PLCB1: variants seen among roughly 807,000 people sequenced by gnomAD.
PLCB1 encodes phospholipase C beta 1.
Under a neutral mutation model 161.8 loss-of-function variants are expected in PLCB1, and 46 were observed. The ratio of observed to expected loss-of-function variants is 0.28; its 90% CI spans 0.22 to 0.36. PLCB1 has a LOEUF of 0.36. Ranked by LOEUF, PLCB1 falls within the 10% of genes least tolerant of loss-of-function variation. PLCB1 has a pLI of 1.00. For missense variants in PLCB1, 1,016 were observed against 1,472.5 expected (o/e 0.69, Z 5.07); for synonymous variants, 517 against 503.7 (o/e 1.03, Z -0.35).
chr20:8,150,727 A>T (rs1225827905), intron 2 of PLCB1, among the ~76,000 whole-genome samples: 1 of 152,170 alleles, frequency 6.6e-6, no homozygotes, highest in Non-Finnish European at 1.5e-5. Flanking sequence ...ATGAGAAAAT[A>T]ACTTTTGACC....
chr20:8,659,109 C>G (rs778188427), intron 9 of PLCB1, among the ~76,000 whole-genome samples: 8 of 151,824 alleles, frequency 5.3e-5, no homozygotes, highest in Non-Finnish European at 1.0e-4. Flanking sequence ...TCTGTGAGAC[C>G]CTTATCTTTT....
intron 2 of PLCB1, among the ~76,000 whole-genome samples, chr20:8,288,165 T>C (rs924426436): frequency 1.3e-5 from 2 of 152,222 alleles, no homozygotes; most frequent in African/African-American, 4.8e-5. Context: ...TGCCCTTCTC[T>C]ATCTTGCGTT....
intron 1 of PLCB1, among the ~76,000 whole-genome samples, chr20:8,139,185 C>T (rs751015152): frequency 2.8e-5 from 4 of 142,078 alleles, no homozygotes; most frequent in Non-Finnish European, 4.5e-5. Context: ...CAGCCGGGTT[C>T]AAGCTATTCT....
chr20:8,285,456 C>T (rs561918153), intron 2 of PLCB1, among the ~76,000 whole-genome samples: 3 of 152,078 alleles, frequency 2.0e-5, no homozygotes, highest in East Asian at 1.9e-4. Flanking sequence ...ATTTTCACAT[C>T]CAATTTTTAA....
intron 2 of PLCB1, among the ~76,000 whole-genome samples, chr20:8,167,104 A>G (rs1442589377): frequency 6.6e-6 from 1 of 152,174 alleles, no homozygotes; most frequent in Non-Finnish European, 1.5e-5. Flanking sequence ...ATTTCGAGAT[A>G]TGGATACTTC....
At chr20:8,473,347 A>G (rs1480074307) in intron 3 of PLCB1, among the ~76,000 whole-genome samples, 1 of 152,228 alleles carries the variant, frequency 6.6e-6, no homozygotes, top group Non-Finnish European at 1.5e-5. Flanking sequence ...GTCTTAGGCT[A>G]ATAATTAATA....
chr20:8,367,190 A>G (rs1171257631), intron 2 of PLCB1, among the ~76,000 whole-genome samples: 6 of 152,352 alleles, frequency 3.9e-5, no homozygotes, highest in South Asian at 2.1e-4. Flanking sequence ...AAAGTTCCCA[A>G]TATAAAGAAA....
chr20:8,629,990 CTT>C (rs371695498), intron 4 of PLCB1, among the ~76,000 whole-genome samples: 9 of 95,252 alleles, frequency 9.4e-5, no homozygotes, highest in Non-Finnish European at 1.1e-4. Context: ...TTCTTTCTTT[CTT>C]TCTTTCTTTC....
At chr20:8,774,757 G>A (rs747356256) in intron 27 of PLCB1, 38 bp downstream of exon 27, 19 of 1,538,262 alleles carry the variant, frequency 1.2e-5, no homozygotes, top group Non-Finnish European at 1.7e-5. Flanking sequence ...TGTGCAACTG[G>A]AACTCCCTTA....
At chr20:8,317,772 G>T (rs1246183271) in intron 2 of PLCB1, among the ~76,000 whole-genome samples, 1 of 152,004 alleles carries the variant, frequency 6.6e-6, no homozygotes, top group Non-Finnish European at 1.5e-5. Context: ...CAGTTAATAA[G>T]GTTTTTGTCT....
At chr20:8,681,086 G>GTGTGTGTATATATA (rs1394518085) in intron 9 of PLCB1, among the ~76,000 whole-genome samples, 1 of 73,850 alleles carries the variant, frequency 1.4e-5, no homozygotes, top group African/African-American at 5.5e-5. Context: ...ATGTGTGTGT[G>GTGTGTGTATATATA]TATATATATA....
intron 3 of PLCB1, among the ~76,000 whole-genome samples, chr20:8,463,216 A>C (rs1981667790): frequency 6.8e-6 from 1 of 146,330 alleles, no homozygotes; most frequent in Non-Finnish European, 1.5e-5. Context: ...CATGCTTTTA[A>C]TTATATATTG....
intron 3 of PLCB1, among the ~76,000 whole-genome samples, chr20:8,481,753 C>T (rs1449228970): frequency 1.3e-5 from 2 of 152,082 alleles, no homozygotes; most frequent in Admixed American, 6.6e-5. Context: ...TAATGCTGAC[C>T]ATCATGGAGT....
intron 2 of PLCB1, among the ~76,000 whole-genome samples, chr20:8,328,589 C>T (rs939261322): frequency 6.7e-6 from 1 of 150,210 alleles, no homozygotes; most frequent in African/African-American, 2.4e-5. Flanking sequence ...TAAATATATA[C>T]ATTTATATAT....
chr20:8,380,641 T>A (rs1987227245), intron 3 of PLCB1, among the ~76,000 whole-genome samples: 1 of 152,000 alleles, frequency 6.6e-6, no homozygotes, highest in African/African-American at 2.4e-5. Context: ...GGTTTGTAGT[T>A]CTTGACAAGA....
At chr20:8,311,251 G>A (rs1162692208) in intron 2 of PLCB1, among the ~76,000 whole-genome samples, 2 of 152,192 alleles carry the variant, frequency 1.3e-5, no homozygotes, top group African/African-American at 4.8e-5. Context: ...GTAAAATCTA[G>A]AGTGATCGTT....
chr20:8,608,612 A>G (rs995558500), intron 3 of PLCB1, among the ~76,000 whole-genome samples: 1 of 152,234 alleles, frequency 6.6e-6, no homozygotes, highest in African/African-American at 2.4e-5. Context: ...ACTTAGATTT[A>G]TAGGGTATTT....
intron 31 of PLCB1, chr20:8,802,238 C>T (rs1984320350): frequency 1.2e-6 from 1 of 813,214 alleles, no homozygotes; most frequent in Admixed American, 2.1e-5. Flanking sequence ...AGTTTTCAGG[C>T]ATCACGGACT....
At chr20:8,340,385 A>G (rs1241696828) in intron 2 of PLCB1, among the ~76,000 whole-genome samples, 1 of 152,204 alleles carries the variant, frequency 6.6e-6, no homozygotes, top group African/African-American at 2.4e-5. Context: ...ATGCATTTTC[A>G]AGGATTTTAA....
Sources: allele counts gnomAD v4.1 joint callset (sites outside exome capture counted in the v4.1 genomes callset), GRCh38; gene constraint gnomAD v4.1.1; transcripts MANE v1.5; gene names NCBI Gene and HGNC (gene_info 2026-07-23, HGNC 2026-07-21).